LRCH1: variants seen among roughly 807,000 people sequenced by gnomAD.
LRCH1 encodes leucine rich repeats and calponin homology domain containing 1.
In LRCH1, 23 loss-of-function variants were observed where a neutral mutation model predicts 94.9. That is an observed-to-expected ratio of 0.24 (90% CI 0.17 to 0.34). The LOEUF is 0.34. Among genes scored for constraint, LRCH1 ranks in the 10% least tolerant of loss-of-function variants. The probability of loss-of-function intolerance (pLI) is 1.00; values close to 1 mark genes in which losing one functional copy is unlikely to be tolerated. For missense variants in LRCH1, 790 were observed against 945.9 expected (o/e 0.84, Z 2.16); for synonymous variants, 364 against 354.9 (o/e 1.03, Z -0.29).
At chr13:46,720,820 T>A (rs1180663307) in intron 16 of LRCH1, among the ~76,000 whole-genome samples, 1 of 152,184 alleles carries the variant, frequency 6.6e-6, no homozygotes, top group Non-Finnish European at 1.5e-5. Flanking sequence ...AGCACTTTTG[T>A]ACTTGGTAGA....
In LRCH1 at chr13:46,742,528, C is replaced by T. The variant is rs752141776; in HGVS notation, c.*680C>T. On this transcript the variant is annotated 3_prime_UTR_variant, in exon 20 of 20. Transcript: ENST00000389797. ...AGCCCCTCTGTCCTATGCAGAAGGG[C>T]GCTCAAGGGAAGGAAGTGTCGTTGC... The T allele has an allele frequency of 3.6e-4, 353 of 985,032 alleles. No homozygotes were observed. The highest frequency in any genetic ancestry group is 4.0e-4 in the Non-Finnish European group (335 of 829,562). The allele number at this position is 985,032 out of a possible 1,614,324, so 61.0% of individuals were successfully genotyped here. A position where few individuals can be genotyped will look rare whatever the true frequency, so the allele number is the denominator to read the frequency against.
chr13:46,621,818 TGTATTATAACAAAAAAGAA>T (rs1161264020), intron 1 of LRCH1, among the ~76,000 whole-genome samples: 76 of 152,200 alleles, frequency 5.0e-4, no homozygotes, highest in Non-Finnish European at 1.5e-4. Context: ...TTTTGTATAT[TGTATTATAACAAAAAAGAA>T]GTCATCAAGT....
At chr13:46,703,988 C>G (rs1007779552) in intron 11 of LRCH1, among the ~76,000 whole-genome samples, 1 of 152,054 alleles carries the variant, frequency 6.6e-6, no homozygotes, top group African/African-American at 2.4e-5. Flanking sequence ...TGATTTGCAT[C>G]TTTATGGAGC....
At chr13:46,604,381 G>C (rs2050665310) in intron 1 of LRCH1, among the ~76,000 whole-genome samples, 1 of 152,120 alleles carries the variant, frequency 6.6e-6, no homozygotes, top group South Asian at 2.1e-4. Flanking sequence ...CTTGCTCCCT[G>C]GGTCTGGGGC....
At chr13:46,694,808 G>A in intron 8 of LRCH1, 85 bp from the exon 9 acceptor site, 1 of 1,450,354 alleles carries the variant, frequency 6.9e-7, no homozygotes, top group Non-Finnish European at 9.6e-7. Flanking sequence ...GACTTGAAGT[G>A]ATTAGATCAT....
intron 3 of LRCH1, among the ~76,000 whole-genome samples, chr13:46,669,859 A>G (rs1484587300): frequency 6.6e-6 from 1 of 152,272 alleles, no homozygotes; most frequent in Non-Finnish European, 1.5e-5. Context: ...GTCTTCATTT[A>G]TCATCTAAGC....
chr13:46,623,262 TGA>T (rs2050901781), intron 1 of LRCH1, among the ~76,000 whole-genome samples: 1 of 152,092 alleles, frequency 6.6e-6, no homozygotes, highest in African/African-American at 2.4e-5. Context: ...ACAATCTTGG[TGA>T]AAGATAATGC....
At chr13:46,712,873 AT>A (rs1023568340) in intron 15 of LRCH1, among the ~76,000 whole-genome samples, 65 of 151,718 alleles carry the variant, frequency 4.3e-4, no homozygotes, top group African/African-American at 1.5e-3. Flanking sequence ...TATTCTATTG[AT>A]TTTTTTTTAC....
At position 46,712,541 on chromosome 13, in the gene LRCH1, C is replaced by T. The variant is rs150305070; in HGVS notation, c.1598C>T (p.Pro533Leu). 1.4e-4 allele frequency: 226 copies of T among 1,613,410 alleles called. No homozygotes were observed. Among genetic ancestry groups the T allele is most frequent in the Non-Finnish European group, 1.7e-4 (204 of 1,179,480 alleles). ...ACACCACAGATTAGAGAGAACTCCC[C>T]TGCAGTCTCTCCTACCACAAACAGC... ...YSPNEIRENS[P>L]AVSPTTNSTA... Residue 533 changes from proline to leucine, a missense_variant, in exon 15 of 20, where the codon CCT becomes CTT. Transcript: ENST00000389797.
chr13:46,636,456 C>A (rs1403922992), intron 1 of LRCH1, among the ~76,000 whole-genome samples: 2 of 152,174 alleles, frequency 1.3e-5, no homozygotes, highest in Non-Finnish European at 2.9e-5. Context: ...ATGTTTTCAT[C>A]TTGCAAAACT....
intron 2 of LRCH1, among the ~76,000 whole-genome samples, chr13:46,666,182 T>C (rs954262370): frequency 2.0e-5 from 3 of 152,192 alleles, no homozygotes; most frequent in African/African-American, 4.8e-5. Flanking sequence ...AAACAAGACA[T>C]ATATGGAACA....
At chr13:46,737,960 A>G (rs1267240482) in intron 19 of LRCH1, among the ~76,000 whole-genome samples, 1 of 152,130 alleles carries the variant, frequency 6.6e-6, no homozygotes, top group African/African-American at 2.4e-5. Context: ...CACCAGGGAA[A>G]TTTTTCTACT....
chr13:46,646,309 C>T (rs771748249), intron 1 of LRCH1, among the ~76,000 whole-genome samples: 6 of 152,098 alleles, frequency 3.9e-5, no homozygotes, highest in Non-Finnish European at 8.8e-5. Context: ...CATATGTTAT[C>T]ATAATATGTA....
At chr13:46,732,720 C>T (rs1438374638) in intron 18 of LRCH1, among the ~76,000 whole-genome samples, 1 of 152,130 alleles carries the variant, frequency 6.6e-6, no homozygotes, top group African/African-American at 2.4e-5. Context: ...CCTCTTGGTA[C>T]CTCATCTGCC....
downstream of LRCH1, among the ~76,000 whole-genome samples, chr13:46,746,675 A>T (rs769211258): frequency 2.0e-5 from 3 of 152,220 alleles, no homozygotes; most frequent in Non-Finnish European, 4.4e-5. Context: ...GTCCATTATG[A>T]ACAAGGGGCC....
chr13:46,703,315 A>G (rs559046571), intron 11 of LRCH1, among the ~76,000 whole-genome samples: 1 of 152,364 alleles, frequency 6.6e-6, no homozygotes, highest in Non-Finnish European at 1.5e-5. Flanking sequence ...TAGCTGCACC[A>G]TCAGTTAACT....
At chr13:46,745,532 A>T (rs1873876016), downstream of LRCH1, among the ~76,000 whole-genome samples, 1 of 152,042 alleles carries the variant, frequency 6.6e-6, no homozygotes, top group African/African-American at 2.4e-5. Context: ...GTGTGTGTAG[A>T]GAATGAAGTG....
intron 11 of LRCH1, among the ~76,000 whole-genome samples, chr13:46,701,762 T>C (rs148708299): frequency 3.3e-5 from 5 of 152,356 alleles, no homozygotes; most frequent in African/African-American, 1.2e-4. Context: ...TCTTAACTAA[T>C]GGTAATGGAA....
intron 1 of LRCH1, among the ~76,000 whole-genome samples, chr13:46,622,613 C>T (rs975940830): frequency 3.9e-5 from 6 of 152,118 alleles, no homozygotes; most frequent in African/African-American, 1.4e-4. Context: ...TAGTACCACT[C>T]AAATAATGCT....
Sources: gnomAD v4.1 joint callset for allele counts (sites outside exome capture counted in the v4.1 genomes callset) on GRCh38, gnomAD v4.1.1 for gene constraint, MANE v1.5 for transcripts, NCBI Gene and HGNC (gene_info 2026-07-23, HGNC 2026-07-21) for gene names.